UBXN4: variants seen among roughly 807,000 people sequenced by gnomAD.
The protein encoded by UBXN4 is UBX domain protein 4.
Under a neutral mutation model 66.2 loss-of-function variants are expected in UBXN4, and 35 were observed. The observed-to-expected ratio is 0.53, with a 90% CI of 0.40 to 0.70. UBXN4 has a LOEUF of 0.70. Among genes scored for constraint, UBXN4 ranks in the 30% least tolerant of loss-of-function variants. The pLI, the probability that UBXN4 is intolerant of heterozygous loss-of-function variation, is 0.00. For missense variants in UBXN4, 533 were observed against 599.8 expected (o/e 0.89, Z 1.16); for synonymous variants, 203 against 204.5 (o/e 0.99, Z 0.06).
chr2:135,746,638 G>A (rs1449458003), intron 1 of UBXN4, among the ~76,000 whole-genome samples: 2 of 152,184 alleles, frequency 1.3e-5, no homozygotes, highest in African/African-American at 4.8e-5. Context: ...TAACCATGTA[G>A]TTATCTGGGG....
At chr2:135,743,563 C>CT (rs1001074873) in intron 1 of UBXN4, among the ~76,000 whole-genome samples, 1 of 152,130 alleles carries the variant, frequency 6.6e-6, no homozygotes, top group African/African-American at 2.4e-5. Context: ...ATTTACATGT[C>CT]TTAACAGTCA....
intron 1 of UBXN4, among the ~76,000 whole-genome samples, chr2:135,747,243 G>C (rs1255506221): frequency 6.6e-6 from 1 of 150,886 alleles, no homozygotes; most frequent in Admixed American, 6.6e-5. Flanking sequence ...AGCTGCTCAG[G>C]AGGCTGAGGC....
rs546876144 is a variant in UBXN4, at chr2:135,772,764, C to T, written c.950+217C>T. Among the ~76,000 whole-genome samples the T allele has an allele frequency of 3.4e-4, 51 of 150,320 alleles. 1 individual carries two copies. The South Asian group carries it at 7.4e-3, about 22-fold the overall frequency. On this transcript the variant is annotated intron_variant, in intron 9 of 12. Coordinates refer to ENST00000272638, the MANE Select transcript of UBXN4 (RefSeq NM_014607.4). ...TTTAAAAGAGGGCCCAATAGCCGGG[C>T]GCGGTGGCTCACGCCTGTAATCCCA...
At chr2:135,747,290 A>C (rs943498456) in intron 1 of UBXN4, among the ~76,000 whole-genome samples, 1 of 146,874 alleles carries the variant, frequency 6.8e-6, no homozygotes, top group South Asian at 2.2e-4. Context: ...AGAGATTGCA[A>C]TGAGCCAAGA....
chr2:135,752,556 A>G (rs953201171), intron 2 of UBXN4, among the ~76,000 whole-genome samples: 1 of 152,212 alleles, frequency 6.6e-6, no homozygotes, highest in Non-Finnish European at 1.5e-5. Context: ...ATTATAGAGT[A>G]TTACATTATC....
chr2:135,761,050 G>A (rs1278816729), intron 5 of UBXN4, among the ~76,000 whole-genome samples: 3 of 152,128 alleles, frequency 2.0e-5, no homozygotes, highest in African/African-American at 7.2e-5. Flanking sequence ...TATAACAACC[G>A]TGTGAGGTTA....
rs187112798 is a variant in UBXN4 at position 135,754,409 on chromosome 2, G to A, written c.333+132G>A. 22 of 643,970 alleles carry A rather than the reference G, an allele frequency of 3.4e-5. 1 individual carries two copies. The highest frequency in any genetic ancestry group is 2.8e-4 in the South Asian group (15 of 54,450). 39.9% of individuals were successfully genotyped at this position (643,970 alleles called of 1,614,324 possible). A position where few individuals can be genotyped will look rare whatever the true frequency, so the allele number is the denominator to read the frequency against. On this transcript the variant is annotated intron_variant, in intron 4 of 12. Coordinates refer to ENST00000272638, the MANE Select transcript of UBXN4 (RefSeq NM_014607.4). The stretch of plus-strand genomic sequence containing the variant: ...TGATCTCAGCTCAAGTGCAGCCTCC[G>A]CCTCCCAGGTTCAAGTGATTCTCCT...
At chr2:135,768,651 C>T (rs1470539858) in intron 6 of UBXN4, among the ~76,000 whole-genome samples, 3 of 151,736 alleles carry the variant, frequency 2.0e-5, no homozygotes, top group Non-Finnish European at 4.4e-5. Flanking sequence ...GCAACTTCCG[C>T]CTCCCAGGTT....
At chr2:135,742,357 G>A (rs2077180320) in intron 1 of UBXN4, among the ~76,000 whole-genome samples, 1 of 152,162 alleles carries the variant, frequency 6.6e-6, no homozygotes, top group Non-Finnish European at 1.5e-5. Context: ...CCCGGCAGCC[G>A]GGCCGGAGGC....
chr2:135,770,397 G>T (rs1310629131), intron 7 of UBXN4, among the ~76,000 whole-genome samples, 174 bp from the exon 8 acceptor site: 1 of 152,100 alleles, frequency 6.6e-6, no homozygotes, highest in Non-Finnish European at 1.5e-5. Flanking sequence ...CAGACCATTG[G>T]CAATGATTTA....
At chr2:135,764,335 T>A (rs1037169530) in intron 6 of UBXN4, among the ~76,000 whole-genome samples, 1 of 152,160 alleles carries the variant, frequency 6.6e-6, no homozygotes, top group Non-Finnish European at 1.5e-5. Context: ...AAAGGGTGAC[T>A]AAATCAAATT....
intron 6 of UBXN4, among the ~76,000 whole-genome samples, chr2:135,763,294 A>G (rs908281286): frequency 6.6e-5 from 10 of 152,140 alleles, no homozygotes; most frequent in Non-Finnish European, 1.5e-4. Flanking sequence ...TGTGCCCTCA[A>G]CTAACTCATC....
intron 2 of UBXN4, among the ~76,000 whole-genome samples, chr2:135,752,371 A>G (rs2077248094): frequency 6.6e-6 from 1 of 151,986 alleles, no homozygotes; most frequent in African/African-American, 2.4e-5. Context: ...TAGTAGAGAC[A>G]GGGTTTCGCC....
intron 10 of UBXN4, 87 bp from the exon 11 acceptor site, chr2:135,778,861 A>T (rs558082626): frequency 5.2e-6 from 7 of 1,336,686 alleles, no homozygotes; most frequent in African/African-American, 4.5e-5. Flanking sequence ...AATTAAGGCA[A>T]TGTTAATTAA....
At chr2:135,776,011 C>T (rs539373391) in intron 9 of UBXN4, among the ~76,000 whole-genome samples, 22 of 152,264 alleles carry the variant, frequency 1.4e-4, no homozygotes, top group African/African-American at 5.1e-4. Context: ...TCAGGTGATC[C>T]GCCCGCCTTG....
At chr2:135,768,667 G>A (rs1439069966) in intron 6 of UBXN4, among the ~76,000 whole-genome samples, 4 of 151,746 alleles carry the variant, frequency 2.6e-5, no homozygotes, top group African/African-American at 4.8e-5. Flanking sequence ...AGGTTCAAGC[G>A]ATTCTCCTGT....
At chr2:135,776,121 A>G in intron 9 of UBXN4, 128 bp from the exon 10 acceptor site, 1 of 712,224 alleles carries the variant, frequency 1.4e-6, no homozygotes, top group Non-Finnish European at 2.2e-6. Flanking sequence ...TTAACAAACA[A>G]AAAGATCTGA....
At chr2:135,782,676 G>A (rs1559545235) in intron 12 of UBXN4, 73 bp from the exon 13 acceptor site, 1 of 1,560,826 alleles carries the variant, frequency 6.4e-7, no homozygotes, top group South Asian at 1.2e-5. Flanking sequence ...ACTGATGGAA[G>A]TTGGAAACAG....
intron 12 of UBXN4, among the ~76,000 whole-genome samples, chr2:135,780,694 CTCTT>C (rs1380539314): frequency 6.6e-6 from 1 of 152,134 alleles, no homozygotes; most frequent in Non-Finnish European, 1.5e-5. Context: ...TTCTAGTAAC[CTCTT>C]TCTTGCTAAC....
Sources: gnomAD v4.1 joint callset for allele counts (sites outside exome capture counted in the v4.1 genomes callset) on GRCh38, gnomAD v4.1.1 for gene constraint, MANE v1.5 for transcripts, NCBI Gene and HGNC (gene_info 2026-07-23, HGNC 2026-07-21) for gene names.